Variants in FCN2 observed in about 807,000 individuals in gnomAD.
FCN2 encodes the protein ficolin 2, also known as ficolin-2.
Under a neutral mutation model 32.5 loss-of-function variants are expected in FCN2, and 31 were observed. The observed-to-expected ratio is 0.96, with a 90% CI of 0.72 to 1.29. FCN2 has a LOEUF of 1.29. FCN2 is among the 50% of genes most tolerant of loss of function. The pLI is 0.00. For missense variants in FCN2, 412 were observed against 406.5 expected (o/e 1.01, Z -0.12); for synonymous variants, 181 against 164.5 (o/e 1.10, Z -0.77).
chr9:134,878,308 C>G (rs1191690350), upstream of FCN2, among the ~76,000 whole-genome samples: 1 of 152,196 alleles, frequency 6.6e-6, no homozygotes, highest in Non-Finnish European at 1.5e-5. Context: ...GCCAGCTCAG[C>G]CATGAACTGG....
intron 1 of FCN2, among the ~76,000 whole-genome samples, chr9:134,881,180 C>T (rs1024325506): frequency 6.6e-6 from 1 of 152,238 alleles, no homozygotes; most frequent in African/African-American, 2.4e-5. Flanking sequence ...CCCTGGGCCA[C>T]ATGTCCCCCT....
the FCN2 span, among the ~76,000 whole-genome samples, chr9:134,872,959 T>C: frequency 6.6e-6 from 1 of 152,206 alleles, no homozygotes; most frequent in African/African-American, 2.4e-5. Context: ...TCCTCTTAGG[T>C]TGAACCAATT....
intron 1 of FCN2, among the ~76,000 whole-genome samples, 182 bp downstream of exon 1, chr9:134,881,103 GCATCT>G: frequency 6.6e-6 from 1 of 152,356 alleles, no homozygotes; most frequent in Non-Finnish European, 1.5e-5. Flanking sequence ...AATGGATGTG[GCATCT>G]CAGAGACGGA....
the FCN2 span, among the ~76,000 whole-genome samples, chr9:134,869,718 G>A: frequency 6.6e-6 from 1 of 152,222 alleles, no homozygotes; most frequent in Non-Finnish European, 1.5e-5. Context: ...TGACCTGCAG[G>A]GACCCATAAG....
chr9:134,874,583 C>A, the FCN2 span, among the ~76,000 whole-genome samples: 8 of 152,220 alleles, frequency 5.3e-5, no homozygotes, highest in African/African-American at 1.9e-4. Flanking sequence ...TCTGCTTTTA[C>A]ATCCAAACAA....
chr9:134,882,750 T>G, intron 2 of FCN2, 111 bp downstream of exon 2: 1 of 725,342 alleles, frequency 1.4e-6, no homozygotes, highest in South Asian at 1.8e-5. Context: ...GTCAGGCCCC[T>G]GCAAGAGCCA....
At chr9:134,878,373 T>C (rs1043322941), upstream of FCN2, among the ~76,000 whole-genome samples, 2 of 152,142 alleles carry the variant, frequency 1.3e-5, no homozygotes, top group Non-Finnish European at 2.9e-5. Context: ...TCCTTGCCCG[T>C]AACAAGTGAC....
rs752357505 is a variant in FCN2, at chr9:134,885,854, G to A, written c.516G>A (p.Glu172=). 29 of 1,613,768 alleles carry A rather than the reference G, an allele frequency of 1.8e-5. No individual in the cohort carries two copies. In the Admixed American group the frequency reaches 4.8e-4, roughly 27 times the overall value. ...AGGGCTTCGGCAGTCGGCTGGGGGAGTTCTGGCTGGGGAATGACAACATCC... is the reference window on the plus strand; with the variant it reads ...AGGGCTTCGGCAGTCGGCTGGGGGAATTCTGGCTGGGGAATGACAACATCC... ...YKQGFGSRLG[E]FWLGNDNIHA... Residue 172 remains glutamate, a synonymous_variant, in exon 6 of 8, where the codon GAG becomes GAA. Coordinates refer to ENST00000291744, the MANE Select transcript of FCN2 (RefSeq NM_004108.3).
chr9:134,880,741 T>G, upstream of FCN2: 4 of 1,110,552 alleles, frequency 3.6e-6, no homozygotes, highest in Non-Finnish European at 5.4e-6. Context: ...ACTCGGAAGA[T>G]GAGAAATTGG....
chr9:134,871,365 C>T, the FCN2 span, among the ~76,000 whole-genome samples: 17 of 152,184 alleles, frequency 1.1e-4, no homozygotes, highest in African/African-American at 3.6e-4. Flanking sequence ...TCCTTCTCGA[C>T]AGTTGGATGG....
At chr9:134,864,730 C>T in the FCN2 span, among the ~76,000 whole-genome samples, 1 of 152,214 alleles carries the variant, frequency 6.6e-6, no homozygotes, top group South Asian at 2.1e-4. Flanking sequence ...CAGCGGCCAC[C>T]TGCTGACCAC....
chr9:134,868,770 C>G, the FCN2 span, among the ~76,000 whole-genome samples: 4 of 152,226 alleles, frequency 2.6e-5, no homozygotes, highest in East Asian at 5.8e-4. The surrounding 1 kb of genome is among the most constrained non-coding windows in gnomAD (Gnocchi z 4.3). Context: ...TTGCCCTGCC[C>G]TGACCAGTGA....
the FCN2 span, among the ~76,000 whole-genome samples, chr9:134,872,189 T>C: frequency 6.6e-6 from 1 of 151,904 alleles, no homozygotes; most frequent in African/African-American, 2.4e-5. Flanking sequence ...AGCGGAGTCG[T>C]ACCCCGTGTG....
the FCN2 span, among the ~76,000 whole-genome samples, chr9:134,869,439 C>T: frequency 6.6e-6 from 1 of 152,192 alleles, no homozygotes; most frequent in Non-Finnish European, 1.5e-5. Context: ...TAGGCCCTCT[C>T]CTGGGACCAG....
chr9:134,871,790 G>C, the FCN2 span, among the ~76,000 whole-genome samples: 1 of 152,294 alleles, frequency 6.6e-6, no homozygotes, highest in Non-Finnish European at 1.5e-5. Context: ...GCCTAGAGGG[G>C]TGTACTTGAC....
At chr9:134,873,922 GTT>G in the FCN2 span, among the ~76,000 whole-genome samples, 27 of 6,052 alleles carry the variant, frequency 4.5e-3, no homozygotes, top group Middle Eastern at 0.12. Context: ...TTTGTTTTTT[GTT>G]TTTTGATATA....
In FCN2 at chr9:134,882,700, T is replaced by C. The variant is rs1052585041; in HGVS notation, c.214+61T>C. The C allele has an allele frequency of 1.3e-4, 149 of 1,140,910 alleles. 1 individual carries two copies. In the Admixed American group the frequency reaches 2.5e-3, roughly 19 times the overall value. The allele number at this position is 1,140,910 out of a possible 1,614,324, so 70.7% of individuals were successfully genotyped here. A position where few individuals can be genotyped will look rare whatever the true frequency, so the allele number is the denominator to read the frequency against. ...CTCTTTTTGAAACCAGATGCTGAGT[T>C]GGGCAACACCCCCACCATGGTTCCT... On this transcript the variant is annotated intron_variant, in intron 2 of 7. Transcript: ENST00000291744.
the FCN2 span, among the ~76,000 whole-genome samples, chr9:134,869,279 C>T: frequency 6.6e-5 from 10 of 152,286 alleles, no homozygotes; most frequent in East Asian, 1.2e-3. Flanking sequence ...TTGAAGGGGG[C>T]GAGTGGGTGA....
the FCN2 span, among the ~76,000 whole-genome samples, chr9:134,865,978 G>A: frequency 6.6e-6 from 1 of 151,450 alleles, no homozygotes; most frequent in Non-Finnish European, 1.5e-5. Flanking sequence ...ACTGCTCAAG[G>A]AAATAAAAGA....
Sources: gnomAD v4.1 joint callset for allele counts (sites outside exome capture counted in the v4.1 genomes callset) on GRCh38, gnomAD v4.1.1 for gene constraint, Gnocchi (gnomAD v3.1) non-coding constraint, MANE v1.5 for transcripts, NCBI Gene and HGNC (gene_info 2026-07-23, HGNC 2026-07-21) for gene names.